The following CERS6 variants were observed in gnomAD, a reference collection of about 807,000 sequenced individuals.
CERS6 encodes ceramide synthase 6.
In CERS6, 26 loss-of-function variants were observed where a neutral mutation model predicts 56.8. The ratio of observed to expected loss-of-function variants is 0.46; its 90% CI spans 0.34 to 0.63. CERS6 has a LOEUF of 0.63. Ranked by LOEUF, CERS6 falls within the 30% of genes least tolerant of loss-of-function variation. CERS6 has a pLI of 0.01. For missense variants in CERS6, 415 were observed against 467.5 expected (o/e 0.89, Z 1.04); for synonymous variants, 164 against 173.3 (o/e 0.95, Z 0.42).
At position 168,694,366 on chromosome 2, in the gene CERS6, C is replaced by T. The variant is rs77570212; in HGVS notation, c.517-593C>T. ...TGAGCTGTAGAGCTGAGACGTGATC[C>T]GATATCCTGGCTGGGTGCCTAGTCT... On this transcript the variant is annotated intron_variant, in intron 5 of 9. Coordinates refer to ENST00000305747, the MANE Select transcript of CERS6 (RefSeq NM_203463.3). Among the ~76,000 whole-genome samples, 1,189 of 152,268 alleles carry T rather than the reference C, an allele frequency of 7.8e-3. 12 individuals carry two copies. Among genetic ancestry groups the T allele is most frequent in the African/African-American group, 0.027 (1,119 of 41,550 alleles).
intron 3 of CERS6, among the ~76,000 whole-genome samples, chr2:168,567,134 G>A (rs1695898655): frequency 6.6e-6 from 1 of 152,118 alleles, no homozygotes; most frequent in Non-Finnish European, 1.5e-5. Context: ...AAAAGTACAG[G>A]GTTGAGCTGT....
intron 4 of CERS6, among the ~76,000 whole-genome samples, chr2:168,662,955 A>G (rs375920505): frequency 6.6e-6 from 1 of 152,140 alleles, no homozygotes; most frequent in African/African-American, 2.4e-5. Context: ...AAGGCTGAAG[A>G]TTTTTCTTTT....
chr2:168,540,212 T>TG (rs890086858), intron 1 of CERS6, among the ~76,000 whole-genome samples: 2 of 152,070 alleles, frequency 1.3e-5, no homozygotes, highest in African/African-American at 4.8e-5. Context: ...CAGTTAATTA[T>TG]GGGGGGTGGA....
chr2:168,500,563 T>TATTTC (rs1574025899), intron 1 of CERS6, among the ~76,000 whole-genome samples: 1 of 152,214 alleles, frequency 6.6e-6, no homozygotes, highest in African/African-American at 2.4e-5. Flanking sequence ...ATTATCATGC[T>TATTTC]ATTTCATATA....
chr2:168,547,278 A>C (rs1452388001), intron 1 of CERS6, among the ~76,000 whole-genome samples: 1 of 152,198 alleles, frequency 6.6e-6, no homozygotes, highest in African/African-American at 2.4e-5. Flanking sequence ...TTATTTTGAA[A>C]TCATTGTTTT....
chr2:168,579,833 G>A (rs1389466327), intron 3 of CERS6, among the ~76,000 whole-genome samples: 2 of 152,122 alleles, frequency 1.3e-5, no homozygotes, highest in South Asian at 2.1e-4. Flanking sequence ...ATGTCAAGGT[G>A]CTCTCTGCTT....
chr2:168,591,873 T>C (rs1683679085), intron 3 of CERS6, among the ~76,000 whole-genome samples: 1 of 152,150 alleles, frequency 6.6e-6, no homozygotes, highest in Non-Finnish European at 1.5e-5. Flanking sequence ...AGAAGTACAA[T>C]CCCTTTCTAA....
At chr2:168,638,727 A>G (rs936352173) in intron 4 of CERS6, among the ~76,000 whole-genome samples, 1 of 152,210 alleles carries the variant, frequency 6.6e-6, no homozygotes, top group Non-Finnish European at 1.5e-5. Context: ...TGTAAAGAGC[A>G]TTGAGAAGCC....
chr2:168,524,778 C>T (rs1044385792), intron 1 of CERS6, among the ~76,000 whole-genome samples: 1 of 151,858 alleles, frequency 6.6e-6, no homozygotes, highest in South Asian at 2.1e-4. Flanking sequence ...TTACACATCT[C>T]TCTTTAAAAA....
At chr2:168,684,272 A>G (rs1686290928) in intron 4 of CERS6, among the ~76,000 whole-genome samples, 1 of 152,150 alleles carries the variant, frequency 6.6e-6, no homozygotes, top group Admixed American at 6.6e-5. Context: ...TGTGCTTGGT[A>G]GATTTATAGT....
chr2:168,525,642 G>A lies in CERS6; in HGVS notation c.171-21954G>A, dbSNP rs1353195088. Among the ~76,000 whole-genome samples, 6 of 152,128 alleles carry A rather than the reference G, an allele frequency of 3.9e-5. 1 individual carries two copies. The highest frequency in any genetic ancestry group is 7.2e-5 in the African/African-American group (3 of 41,414). ...GAGGGTATTCAAAGTCCTATACAACGGCCCGAGCCCCTGTGAAATGATTTT... is the reference window on the plus strand; with the variant it reads ...GAGGGTATTCAAAGTCCTATACAACAGCCCGAGCCCCTGTGAAATGATTTT... On this transcript the variant is annotated intron_variant, in intron 1 of 9. Transcript: ENST00000305747.
chr2:168,522,564 G>C (rs938909891), intron 1 of CERS6, among the ~76,000 whole-genome samples: 5 of 151,464 alleles, frequency 3.3e-5, no homozygotes, highest in Admixed American at 2.0e-4. Context: ...ACAGGGTCTC[G>C]CTCTGTTGCT....
At chr2:168,703,631 T>C (rs1010598314) in intron 6 of CERS6, among the ~76,000 whole-genome samples, 1 of 152,124 alleles carries the variant, frequency 6.6e-6, no homozygotes, top group Non-Finnish European at 1.5e-5. Flanking sequence ...CTTTCTTTGC[T>C]TGAAAAGCTA....
intron 1 of CERS6, among the ~76,000 whole-genome samples, chr2:168,517,226 T>C (rs1313546356): frequency 1.3e-5 from 2 of 151,830 alleles, no homozygotes; most frequent in Non-Finnish European, 2.9e-5. Context: ...GCACAGTGGC[T>C]CATGCCTGTA....
intron 2 of CERS6, among the ~76,000 whole-genome samples, chr2:168,551,753 A>G (rs1172911929): frequency 6.6e-6 from 1 of 152,180 alleles, no homozygotes; most frequent in Non-Finnish European, 1.5e-5. Flanking sequence ...TTGGAATGGG[A>G]CCAAAAATTC....
At chr2:168,620,011 C>CACA (rs1684423336) in intron 3 of CERS6, among the ~76,000 whole-genome samples, 6 of 37,264 alleles carry the variant, frequency 1.6e-4, no homozygotes, top group East Asian at 1.4e-3. Context: ...GTTCCACAAT[C>CACA]CATACACACA....
chr2:168,656,644 C>T (rs1390686208), intron 4 of CERS6, among the ~76,000 whole-genome samples: 3 of 151,662 alleles, frequency 2.0e-5, no homozygotes, highest in Non-Finnish European at 4.4e-5. Context: ...CGGTGAGTGT[C>T]ACAGCTCATA....
At chr2:168,681,374 G>C (rs938239304) in intron 4 of CERS6, among the ~76,000 whole-genome samples, 4 of 152,160 alleles carry the variant, frequency 2.6e-5, no homozygotes, top group African/African-American at 9.7e-5. Flanking sequence ...GCTATATCCT[G>C]TGCTATTAAT....
At chr2:168,701,225 AAT>A (rs1686797855) in intron 6 of CERS6, among the ~76,000 whole-genome samples, 1 of 152,168 alleles carries the variant, frequency 6.6e-6, no homozygotes, top group South Asian at 2.1e-4. Flanking sequence ...AGGACTTTGT[AAT>A]TGCTGCATAT....
Sources: allele counts gnomAD v4.1 joint callset (sites outside exome capture counted in the v4.1 genomes callset), GRCh38; gene constraint gnomAD v4.1.1; transcripts MANE v1.5; gene names NCBI Gene and HGNC (gene_info 2026-07-23, HGNC 2026-07-21).